PTPRG: variants seen among roughly 807,000 people sequenced by gnomAD.
PTPRG encodes the protein receptor-type tyrosine-protein phosphatase gamma.
In PTPRG, 102 loss-of-function variants were observed where a neutral mutation model predicts 165.3. That is an observed-to-expected ratio of 0.62 (90% CI 0.53 to 0.73). The LOEUF is 0.73. Ranked by LOEUF, PTPRG falls within the 30% of genes least tolerant of loss-of-function variation. The pLI is 0.00. For synonymous variants in PTPRG, 675 were observed against 669.5 expected, an observed-to-expected ratio of 1.01 and a Z score of -0.13; for missense variants, 1,866 against 1,861.4, an observed-to-expected ratio of 1.00 and a Z score of -0.05.
rs113436432 is a variant in PTPRG at position 61,616,351 on chromosome 3, A to G, written c.85+53979A>G. Among the ~76,000 whole-genome samples, 201 of 152,324 alleles carry G rather than the reference A, an allele frequency of 1.3e-3. 1 individual carries two copies. The highest frequency in any genetic ancestry group is 4.6e-3 in the African/African-American group (190 of 41,568). ...ATCTATGGGTTAAGTATGTATGTCC[A>G]TGTCCATATACACACATTAACATCT... On this transcript the variant is annotated intron_variant, in intron 1 of 29. Transcript: ENST00000474889.
chr3:62,272,825 A>C, intron 21 of PTPRG, 121 bp from the exon 22 acceptor site: 1 of 1,166,274 alleles, frequency 8.6e-7, no homozygotes. Flanking sequence ...CAACAGAGTG[A>C]AACTCCATCT....
chr3:61,905,665 A>AAC (rs1164885644), intron 2 of PTPRG, among the ~76,000 whole-genome samples: 1 of 152,218 alleles, frequency 6.6e-6, no homozygotes, highest in Non-Finnish European at 1.5e-5. Flanking sequence ...ATCAAGAGAG[A>AAC]ACTTCTGAAG....
chr3:62,237,497 C>T lies in PTPRG; in HGVS notation c.2375+6186C>T, dbSNP rs890016393. On this transcript the variant is annotated intron_variant, in intron 14 of 29. Transcript: ENST00000474889. The surrounding 1 kb of genome is among the most constrained non-coding windows in gnomAD (Gnocchi z 4.5). ...TTCAGCAGGGAGCTCAGGGACTTGACGTTGACAGCTGATACTGGCCGATGT... is the reference window on the plus strand; with the variant it reads ...TTCAGCAGGGAGCTCAGGGACTTGATGTTGACAGCTGATACTGGCCGATGT... Among the ~76,000 whole-genome samples the T allele has an allele frequency of 1.3e-5, 2 of 152,124 alleles. No individual in the cohort carries two copies. Among genetic ancestry groups the T allele is most frequent in the African/African-American group, 2.4e-5 (1 of 41,404 alleles).
chr3:61,805,071 C>T (rs969996124), intron 2 of PTPRG, among the ~76,000 whole-genome samples: 5 of 152,212 alleles, frequency 3.3e-5, no homozygotes, highest in African/African-American at 7.2e-5. Flanking sequence ...GGTGGATCTG[C>T]ACCACTTCTC....
chr3:61,748,214 C>G (rs898512108), intron 1 of PTPRG, among the ~76,000 whole-genome samples: 6 of 152,192 alleles, frequency 3.9e-5, no homozygotes, highest in African/African-American at 1.4e-4. Context: ...ATGTGGAAGA[C>G]TGGTACTAAT....
intron 2 of PTPRG, among the ~76,000 whole-genome samples, chr3:61,988,775 G>A (rs1421988000): frequency 6.6e-6 from 1 of 152,210 alleles, no homozygotes; most frequent in Non-Finnish European, 1.5e-5. Flanking sequence ...AAAGTAGGAT[G>A]CAGAAAAGTC....
In PTPRG at chr3:62,281,615, A is replaced by T. The variant is rs1468878314; in HGVS notation, c.3818A>T (p.Glu1273Val). The change falls in exon 27 of 30, where the codon GAG becomes GTG. Residue 1273 changes from glutamate to valine, a missense_variant. Physicochemically the swap from Glu to Val is moderately radical, Grantham distance 121. Transcript: ENST00000474889. Reference protein sequence around the residue: ...WPSREESMNCEAFTVTLISKD... With the variant: ...WPSREESMNCVAFTVTLISKD... ...AGTCGAGAAGAATCCATGAACTGTG[A>T]GGCCTTTACCGTCACCCTTATCAGC... 8.2e-6 allele frequency: 13 copies of T among 1,588,346 alleles called. No individual in the cohort carries two copies. Among genetic ancestry groups the T allele is most frequent in the Middle Eastern group, 1.7e-4 (1 of 5,964 alleles).
rs541537209 is a variant in PTPRG at position 61,963,326 on chromosome 3, G to T, written c.191-26299G>T. Among the ~76,000 whole-genome samples the T allele has an allele frequency of 1.8e-3, 272 of 152,128 alleles. 1 individual carries two copies. The highest frequency in any genetic ancestry group is 6.2e-3 in the African/African-American group (257 of 41,512). On this transcript the variant is annotated intron_variant, in intron 2 of 29. Transcript: ENST00000474889. ...AAGGGTAAAAATCATTATTTCATAA[G>T]AGTTTACAGATTACCAGATACCTGG...
chr3:61,923,732 T>C (rs1207758407), intron 2 of PTPRG, among the ~76,000 whole-genome samples: 2 of 139,752 alleles, frequency 1.4e-5, no homozygotes, highest in African/African-American at 2.8e-5. Context: ...GGTCTCACCA[T>C]GTTGCACAGG....
intron 1 of PTPRG, among the ~76,000 whole-genome samples, chr3:61,681,794 ATGT>A (rs1271821089): frequency 1.3e-5 from 2 of 152,100 alleles, no homozygotes; most frequent in African/African-American, 2.4e-5. Context: ...TGGATTAGTA[ATGT>A]TGTTGACCAT....
chr3:61,638,067 G>A (rs1244115836), intron 1 of PTPRG, among the ~76,000 whole-genome samples: 1 of 152,196 alleles, frequency 6.6e-6, no homozygotes, highest in Non-Finnish European at 1.5e-5. Flanking sequence ...AAAGGAGTCT[G>A]TTGTCCTTAG....
intron 1 of PTPRG, among the ~76,000 whole-genome samples, chr3:61,644,868 T>A (rs1183433170): frequency 2.0e-5 from 3 of 152,212 alleles, no homozygotes; most frequent in African/African-American, 7.2e-5. Flanking sequence ...ATACACTCAT[T>A]TGTCTTAAAG....
chr3:62,003,555 A>T, intron 4 of PTPRG, 58 bp downstream of exon 4: 3 of 1,593,712 alleles, frequency 1.9e-6, no homozygotes, highest in Non-Finnish European at 2.6e-6. Flanking sequence ...TGTTAATCAG[A>T]TGCTGTGCCC....
chr3:62,157,931 A>C (rs1704603489), intron 7 of PTPRG, among the ~76,000 whole-genome samples: 1 of 152,222 alleles, frequency 6.6e-6, no homozygotes, highest in Non-Finnish European at 1.5e-5. Context: ...TTCACATAGA[A>C]CATCATGGCG....
At chr3:62,085,482 G>T (rs749000601) in intron 5 of PTPRG, among the ~76,000 whole-genome samples, 5 of 152,118 alleles carry the variant, frequency 3.3e-5, no homozygotes, top group African/African-American at 9.7e-5. Flanking sequence ...ATCTTTATAA[G>T]GTTTCCCAAT....
chr3:61,711,571 T>C (rs561418501), intron 1 of PTPRG, among the ~76,000 whole-genome samples: 1 of 152,350 alleles, frequency 6.6e-6, no homozygotes, highest in South Asian at 2.1e-4. Flanking sequence ...TGTCTTCTTT[T>C]GAGAAGTGTC....
At chr3:61,588,359 A>G (rs1345110485) in intron 1 of PTPRG, among the ~76,000 whole-genome samples, 1 of 152,090 alleles carries the variant, frequency 6.6e-6, no homozygotes, top group Non-Finnish European at 1.5e-5. Flanking sequence ...AAAACATTCC[A>G]GAAATACAAA....
rs75247735 is a variant in PTPRG at position 61,830,318 on chromosome 3, G to A, written c.190+81336G>A. On this transcript the variant is annotated intron_variant, in intron 2 of 29. Coordinates refer to ENST00000474889, the MANE Select transcript of PTPRG (RefSeq NM_002841.4). ...GTGTGAACTGTCTTACTCTGTTGTCGTGGAAGAATACTATCATCTTTTAGG... is the reference window on the plus strand; with the variant it reads ...GTGTGAACTGTCTTACTCTGTTGTCATGGAAGAATACTATCATCTTTTAGG... Among the ~76,000 whole-genome samples the A allele has an allele frequency of 1.6e-4, 25 of 152,198 alleles. No homozygotes were observed. In the East Asian group the frequency reaches 2.9e-3, roughly 18 times the overall value.
chr3:62,122,522 AT>A (rs1347028331), intron 5 of PTPRG, among the ~76,000 whole-genome samples: 2 of 152,240 alleles, frequency 1.3e-5, no homozygotes, highest in African/African-American at 4.8e-5. Flanking sequence ...TTTACACTTA[AT>A]TGCTGTGGAT....
Sources: gnomAD v4.1 joint callset for allele counts (sites outside exome capture counted in the v4.1 genomes callset) on GRCh38, gnomAD v4.1.1 for gene constraint, Gnocchi (gnomAD v3.1) non-coding constraint, MANE v1.5 for transcripts, NCBI Gene and HGNC (gene_info 2026-07-23, HGNC 2026-07-21) for gene names.